The following C5AR2 variants were observed in gnomAD, a reference collection of about 807,000 sequenced individuals.
The protein encoded by C5AR2 is C5a anaphylatoxin chemotactic receptor 2.
For missense variants in C5AR2, 458 were observed against 467.5 expected, an observed-to-expected ratio of 0.98 and a Z score of 0.19; for synonymous variants, 224 against 216.5, an observed-to-expected ratio of 1.03 and a Z score of -0.30.
At chr19:47,338,379 C>T (rs968061878) in intron 1 of C5AR2, among the ~76,000 whole-genome samples, 23 of 146,088 alleles carry the variant, frequency 1.6e-4, no homozygotes, top group Admixed American at 3.4e-4. Context: ...CCCAGGAGTT[C>T]GAGGCTGCAG....
Position 47,347,015 on chromosome 19 carries a change from C to T in C5AR2, c.*5202C>T, listed in dbSNP as rs1025133133. 2 of 152,130 alleles carry T rather than the reference C, an allele frequency of 1.3e-5. No individual in the cohort carries two copies. The highest frequency in any genetic ancestry group is 2.4e-5 in the African/African-American group (1 of 41,418). 9.4% of individuals were successfully genotyped at this position (152,130 alleles called of 1,614,324 possible). A position where few individuals can be genotyped will look rare whatever the true frequency, so the allele number is the denominator to read the frequency against. ...CTTTTTTGAACTGGAATACATTTCA[C>T]GGGAATTTTCAAATTTAAGTCTGTG... On this transcript the variant is annotated 3_prime_UTR_variant, in exon 2 of 2. Transcript: ENST00000595464.
Position 47,345,358 on chromosome 19 carries a change from CTT to C in C5AR2, c.*3567_*3568del, listed in dbSNP as rs34783812. 39 of 111,086 alleles carry C rather than the reference CTT, an allele frequency of 3.5e-4. No individual in the cohort carries two copies. The highest frequency in any genetic ancestry group is 1.2e-3 in the South Asian group (4 of 3,418). The allele number at this position is 111,086 out of a possible 1,614,324, so 6.9% of individuals were successfully genotyped here. ...GCTCAGTCAGAAAGCACTGGTATCA[CTT>C]TTTTTTTTTTTTTTTTTTTTTGAGA... On this transcript the variant is annotated 3_prime_UTR_variant, in exon 2 of 2. Coordinates refer to ENST00000595464, the MANE Select transcript of C5AR2 (RefSeq NM_001271749.2).
chr19:47,337,390 G>GCC (rs2059362347), intron 1 of C5AR2, among the ~76,000 whole-genome samples: 1 of 152,090 alleles, frequency 6.6e-6, no homozygotes, highest in Non-Finnish European at 1.5e-5. Context: ...AGGGCTGGGC[G>GCC]CGGTGGCTCA....
At chr19:47,339,906 A>T (rs1222517445) in intron 1 of C5AR2, among the ~76,000 whole-genome samples, 1 of 151,860 alleles carries the variant, frequency 6.6e-6, no homozygotes, top group Non-Finnish European at 1.5e-5. Flanking sequence ...CATAGTATTT[A>T]TTATCTTCTA....
In C5AR2 at chr19:47,341,092, G is replaced by T; in HGVS notation, c.293G>T (p.Gly98Val). 6.2e-7 allele frequency: 1 copy of T among 1,604,710 alleles called. No homozygotes were observed. ...PILAVPIARG[G>V]HWPYGAVGCR... ...CTGGCAGTGCCCATTGCCCGTGGAGGCCACTGGCCGTATGGTGCAGTGGGC... is the reference window on the plus strand; with the variant it reads ...CTGGCAGTGCCCATTGCCCGTGGAGTCCACTGGCCGTATGGTGCAGTGGGC... Residue 98 changes from glycine to valine, a missense_variant, in exon 2 of 2, where the codon GGC becomes GTC. By Grantham distance (109) the Gly-to-Val change is moderately radical. Transcript: ENST00000595464. The surrounding 1 kb of genome is among the most constrained non-coding windows in gnomAD (Gnocchi z 4.6).
chr19:47,337,464 C>G (rs1568668801), intron 1 of C5AR2, among the ~76,000 whole-genome samples: 1 of 151,668 alleles, frequency 6.6e-6, no homozygotes, highest in Non-Finnish European at 1.5e-5. Context: ...GAGTTCGAGA[C>G]CAGCCTGGCC....
rs1196034842 is a variant in C5AR2 at position 47,341,519 on chromosome 19, G to A, written c.720G>A (p.Val240=). Residue 240 remains valine (V), a synonymous_variant, in exon 2 of 2, where the codon GTG becomes GTA. Transcript: ENST00000595464. This position sits in a 1 kb window ranked among gnomAD's most constrained non-coding sequence, Gnocchi z 4.6. ...GGCCGCTGGGCACAGCCATTGTGGT[G>A]GGGTTTTTTGTCTGCTGGGCACCCT... The part of the protein sequence containing the change: ...RCRPLGTAIV[V]GFFVCWAPYH... 1.9e-6 allele frequency: 3 copies of A among 1,612,032 alleles called. No homozygotes were observed. Among genetic ancestry groups the A allele is most frequent in the Non-Finnish European group, 2.5e-6 (3 of 1,179,594 alleles).
rs1969094076 is a variant in C5AR2 at position 47,344,729 on chromosome 19, G to A, written c.*2916G>A. 6.6e-6 allele frequency: 1 copy of A among 152,088 alleles called. No homozygotes were observed. Among genetic ancestry groups the A allele is most frequent in the Non-Finnish European group, 1.5e-5 (1 of 68,006 alleles). The allele number at this position is 152,088 out of a possible 1,614,324, so 9.4% of individuals were successfully genotyped here. The stretch of plus-strand genomic sequence containing the variant: ...TGGAACACAAGGTCCCAGCTAAACT[G>A]TAAATTCCCCAAGGGTAACAACTGG... On this transcript the variant is annotated 3_prime_UTR_variant, in exon 2 of 2. Coordinates refer to ENST00000595464, the MANE Select transcript of C5AR2 (RefSeq NM_001271749.2).
At position 47,342,328 on chromosome 19, in the gene C5AR2, C is replaced by G. The variant is rs1234776836; in HGVS notation, c.*515C>G. 1 of 151,372 alleles carries G rather than the reference C, an allele frequency of 6.6e-6. No individual in the cohort carries two copies. Among genetic ancestry groups the G allele is most frequent in the Non-Finnish European group, 1.5e-5 (1 of 67,806 alleles). 9.4% of individuals were successfully genotyped at this position (151,372 alleles called of 1,614,324 possible). A position where few individuals can be genotyped will look rare whatever the true frequency, so the allele number is the denominator to read the frequency against. ...CCAAGATTGAGCCCCTGCACTCCAG[C>G]CTGGGCGACAGAGCGAGACTCCGTC... On this transcript the variant is annotated 3_prime_UTR_variant, in exon 2 of 2. Transcript: ENST00000595464.
intron 1 of C5AR2, among the ~76,000 whole-genome samples, chr19:47,333,820 C>T (rs1489505582): frequency 6.6e-6 from 1 of 152,074 alleles, no homozygotes; most frequent in Admixed American, 6.6e-5. Flanking sequence ...ACCTCGTGAT[C>T]CACCTGCCTG....
chr19:47,337,341 C>T (rs1357203099), intron 1 of C5AR2, among the ~76,000 whole-genome samples: 1 of 152,156 alleles, frequency 6.6e-6, no homozygotes, highest in Non-Finnish European at 1.5e-5. Context: ...GCATGGGGTT[C>T]TGCAGCGGGG....
In C5AR2 at chr19:47,344,466, T is replaced by C. The variant is rs527841142; in HGVS notation, c.*2653T>C. The stretch of plus-strand genomic sequence containing the variant: ...TCATTCTCACAACAGCCCAGGGAGA[T>C]AGGGTGGCATGCTTCATTTTATAAG... On this transcript the variant is annotated 3_prime_UTR_variant, in exon 2 of 2. Transcript: ENST00000595464. The C allele has an allele frequency of 6.6e-6, 1 of 152,270 alleles. No homozygotes were observed. Among genetic ancestry groups the C allele is most frequent in the East Asian group, 1.9e-4 (1 of 5,184 alleles). The allele number at this position is 152,270 out of a possible 1,614,324, so 9.4% of individuals were successfully genotyped here.
intron 1 of C5AR2, among the ~76,000 whole-genome samples, chr19:47,334,337 A>G (rs1035677666): frequency 8.6e-5 from 13 of 152,002 alleles, no homozygotes; most frequent in Non-Finnish European, 1.8e-4. Context: ...ATCTCTATCA[A>G]CCCATCGTAA....
intron 1 of C5AR2, among the ~76,000 whole-genome samples, chr19:47,335,350 G>A (rs2059353333): frequency 6.6e-6 from 1 of 151,948 alleles, no homozygotes; most frequent in African/African-American, 2.4e-5. Flanking sequence ...CACGTTAAGT[G>A]GAAAAGATGA....
intron 1 of C5AR2, among the ~76,000 whole-genome samples, chr19:47,337,623 C>T (rs569702774): frequency 3.3e-5 from 5 of 151,968 alleles, no homozygotes; most frequent in Admixed American, 2.6e-4. Flanking sequence ...GATTGCGTCA[C>T]TGCACTCCAG....
Position 47,347,180 on chromosome 19 carries a change from C to G in C5AR2, c.*5367C>G, listed in dbSNP as rs778838608. ...TGATTTCCTTAAGTTTTCAAAGAAC[C>G]AAGTTATTAATAATTTCTCTAAGAA... On this transcript the variant is annotated 3_prime_UTR_variant, in exon 2 of 2. Transcript: ENST00000595464. The G allele has an allele frequency of 6.6e-6, 1 of 151,886 alleles. No individual in the cohort carries two copies. Among genetic ancestry groups the G allele is most frequent in the Non-Finnish European group, 1.5e-5 (1 of 67,972 alleles). 9.4% of individuals were successfully genotyped at this position (151,886 alleles called of 1,614,324 possible). A position where few individuals can be genotyped will look rare whatever the true frequency, so the allele number is the denominator to read the frequency against.
chr19:47,332,859 G>T (rs2059344769), intron 1 of C5AR2, among the ~76,000 whole-genome samples: 1 of 151,112 alleles, frequency 6.6e-6, no homozygotes, highest in Non-Finnish European at 1.5e-5. Context: ...CTGCCCAAAT[G>T]GTTTTTCACA....
At chr19:47,338,446 TAAAA>T (rs11316034) in intron 1 of C5AR2, among the ~76,000 whole-genome samples, 2 of 144,712 alleles carry the variant, frequency 1.4e-5, no homozygotes, top group African/African-American at 2.5e-5. Context: ...TATCTGTCCC[TAAAA>T]AAAAAAAAAA....
At chr19:47,337,967 G>A (rs769378435) in intron 1 of C5AR2, among the ~76,000 whole-genome samples, 2 of 151,168 alleles carry the variant, frequency 1.3e-5, no homozygotes, top group Non-Finnish European at 2.9e-5. Context: ...CCAGCTACTC[G>A]GGAGGCTTGT....
Sources: gnomAD v4.1 joint callset for allele counts (sites outside exome capture counted in the v4.1 genomes callset) on GRCh38, gnomAD v4.1.1 for gene constraint, Gnocchi (gnomAD v3.1) non-coding constraint, MANE v1.5 for transcripts, NCBI Gene and HGNC (gene_info 2026-07-23, HGNC 2026-07-21) for gene names.